Variants in GRID2 observed in about 807,000 individuals in gnomAD.
GRID2 encodes the protein glutamate ionotropic receptor delta type subunit 2.
A neutral mutation model predicts 114.8 loss-of-function variants in GRID2; 33 were observed. The ratio of observed to expected loss-of-function variants is 0.29; its 90% CI spans 0.22 to 0.38. The LOEUF (loss-of-function observed/expected upper bound fraction) is 0.38. Ranked by LOEUF, GRID2 falls within the 10% of genes least tolerant of loss-of-function variation. The probability of loss-of-function intolerance (pLI) is 1.00; values close to 1 mark genes in which losing one functional copy is unlikely to be tolerated. For synonymous variants in GRID2, 505 were observed against 449.9 expected (o/e 1.12, Z -1.55); for missense variants, 1,184 against 1,257.7 (o/e 0.94, Z 0.89).
At chr4:92,758,706 G>C (rs544581578) in intron 2 of GRID2, among the ~76,000 whole-genome samples, 4 of 152,176 alleles carry the variant, frequency 2.6e-5, no homozygotes, top group African/African-American at 9.6e-5. Context: ...TCAGAATCTG[G>C]TGCTTGATAA....
chr4:93,464,457 A>C (rs1724073740), intron 11 of GRID2, among the ~76,000 whole-genome samples: 1 of 150,970 alleles, frequency 6.6e-6, no homozygotes, highest in Admixed American at 6.6e-5. Flanking sequence ...ATTATCATGG[A>C]CATAATACTG....
chr4:93,106,616 C>G (rs1009552980), intron 3 of GRID2, among the ~76,000 whole-genome samples: 1 of 152,296 alleles, frequency 6.6e-6, no homozygotes, highest in Non-Finnish European at 1.5e-5. Flanking sequence ...AGCCACTGCA[C>G]CCAGAGTACT....
intron 2 of GRID2, among the ~76,000 whole-genome samples, chr4:92,874,372 T>A (rs1421356007): frequency 6.6e-6 from 1 of 152,322 alleles, no homozygotes; most frequent in East Asian, 1.9e-4. Flanking sequence ...AATGAAATGA[T>A]TCGGATAGCA....
chr4:93,462,279 C>T (rs10003805), intron 11 of GRID2, among the ~76,000 whole-genome samples: 8,296 of 152,120 alleles, frequency 0.055, 249 homozygotes, highest in South Asian at 0.089. Flanking sequence ...TTCAACATCA[C>T]GCCGATGGAT....
intron 2 of GRID2, among the ~76,000 whole-genome samples, chr4:92,658,506 G>A (rs963190562): frequency 6.6e-6 from 1 of 151,718 alleles, no homozygotes; most frequent in African/African-American, 2.4e-5. Flanking sequence ...GACAGCATTT[G>A]TGTTTGGAAG....
intron 2 of GRID2, among the ~76,000 whole-genome samples, chr4:92,717,334 A>G (rs1735600278): frequency 6.6e-6 from 1 of 152,218 alleles, no homozygotes; most frequent in Admixed American, 6.5e-5. Context: ...ATAAACCTTA[A>G]TAGCCAGAAA....
chr4:93,150,996 G>T (rs533789163), intron 4 of GRID2, among the ~76,000 whole-genome samples: 1 of 151,800 alleles, frequency 6.6e-6, no homozygotes, highest in Non-Finnish European at 1.5e-5. Flanking sequence ...AGGCATGGTG[G>T]TGCACACCTG....
chr4:92,381,680 A>G (rs766550251), intron 1 of GRID2, among the ~76,000 whole-genome samples: 1 of 152,010 alleles, frequency 6.6e-6, no homozygotes, highest in Non-Finnish European at 1.5e-5. Context: ...CCATCACCAT[A>G]TGGAAGTACT....
chr4:93,259,885 C>T (rs1750062268), intron 8 of GRID2, among the ~76,000 whole-genome samples: 1 of 151,698 alleles, frequency 6.6e-6, no homozygotes, highest in Non-Finnish European at 1.5e-5. Context: ...ATGTACATTT[C>T]TACTGCCTTT....
At chr4:93,068,252 CAT>C (rs1236914703) in intron 2 of GRID2, among the ~76,000 whole-genome samples, 1 of 151,964 alleles carries the variant, frequency 6.6e-6, no homozygotes, top group Non-Finnish European at 1.5e-5. Context: ...CTTTCTGATA[CAT>C]GTTTTAATTT....
At chr4:92,805,194 G>A (rs954842342) in intron 2 of GRID2, among the ~76,000 whole-genome samples, 16 of 151,820 alleles carry the variant, frequency 1.1e-4, no homozygotes, top group Non-Finnish European at 7.4e-5. Context: ...CAACGATATC[G>A]TTATTTCTCT....
chr4:93,104,220 T>A (rs549841653), intron 3 of GRID2, among the ~76,000 whole-genome samples: 1 of 152,278 alleles, frequency 6.6e-6, no homozygotes, highest in South Asian at 2.1e-4. Context: ...TGGATGAAAA[T>A]ATAGTTCTAT....
intron 13 of GRID2, among the ~76,000 whole-genome samples, chr4:93,601,266 C>A (rs1295016380): frequency 6.6e-6 from 1 of 152,048 alleles, no homozygotes; most frequent in Non-Finnish European, 1.5e-5. Flanking sequence ...TACAGCATAA[C>A]CAGATGATAA....
At chr4:93,584,985 C>T (rs373611196) in intron 13 of GRID2, among the ~76,000 whole-genome samples, 1 of 152,052 alleles carries the variant, frequency 6.6e-6, no homozygotes. Flanking sequence ...TGTTTTTCTG[C>T]TAGAACTTTG....
intron 2 of GRID2, among the ~76,000 whole-genome samples, chr4:92,984,622 A>AATCC (rs916531639): frequency 6.6e-6 from 1 of 152,210 alleles, no homozygotes; most frequent in African/African-American, 2.4e-5. Context: ...TCGAGTAAGG[A>AATCC]ATCCATGGCC....
At chr4:92,899,634 A>C (rs1051594439) in intron 2 of GRID2, among the ~76,000 whole-genome samples, 10 of 152,198 alleles carry the variant, frequency 6.6e-5, no homozygotes, top group Non-Finnish European at 1.2e-4. Context: ...CAAGAAGAAC[A>C]CTATGATCTT....
At chr4:92,776,423 A>G (rs77021299) in intron 2 of GRID2, among the ~76,000 whole-genome samples, 2,704 of 152,120 alleles carry the variant, frequency 0.018, 74 homozygotes, top group African/African-American at 0.062. Flanking sequence ...ATATACCCAG[A>G]CACACATGAC....
intron 2 of GRID2, among the ~76,000 whole-genome samples, chr4:93,038,556 C>T (rs1018890168): frequency 9.9e-5 from 15 of 151,888 alleles, no homozygotes; most frequent in African/African-American, 3.1e-4. Flanking sequence ...TTTGGGAGGC[C>T]GAGGCGGGTG....
chr4:92,541,134 G>A (rs892435469), intron 1 of GRID2, among the ~76,000 whole-genome samples: 1 of 151,958 alleles, frequency 6.6e-6, no homozygotes, highest in Admixed American at 6.6e-5. Context: ...CACACACTGG[G>A]GCCTGTTGTA....
Sources: gnomAD v4.1 joint callset for allele counts (sites outside exome capture counted in the v4.1 genomes callset) on GRCh38, gnomAD v4.1.1 for gene constraint, MANE v1.5 for transcripts, NCBI Gene and HGNC (gene_info 2026-07-23, HGNC 2026-07-21) for gene names.